The following PTPN12 variants were observed in gnomAD, a reference collection of about 807,000 sequenced individuals.
PTPN12 encodes the protein tyrosine-protein phosphatase non-receptor type 12.
Under a neutral mutation model 97.6 loss-of-function variants are expected in PTPN12, and 29 were observed. The observed-to-expected ratio is 0.30, with a 90% CI of 0.22 to 0.41. The LOEUF (loss-of-function observed/expected upper bound fraction) is 0.41. Among genes scored for constraint, PTPN12 ranks in the 10% least tolerant of loss-of-function variants. The pLI is 1.00. For missense variants in PTPN12, 819 were observed against 926.0 expected (o/e 0.88, Z 1.50); for synonymous variants, 327 against 300.4 (o/e 1.09, Z -0.91).
At chr7:77,541,905 G>A (rs186880362) in intron 1 of PTPN12, among the ~76,000 whole-genome samples, 65 of 152,240 alleles carry the variant, frequency 4.3e-4, no homozygotes, top group Non-Finnish European at 5.7e-4. Flanking sequence ...CTAATTTGTG[G>A]CTGATCCAGA....
intron 7 of PTPN12, among the ~76,000 whole-genome samples, chr7:77,600,415 C>A (rs1283047908): frequency 2.0e-5 from 3 of 152,114 alleles, no homozygotes; most frequent in South Asian, 2.1e-4. Context: ...ATCTGTATAT[C>A]TCAGTTATAA....
chr7:77,602,713 G>T (rs546541475), intron 8 of PTPN12, among the ~76,000 whole-genome samples: 1 of 151,842 alleles, frequency 6.6e-6, no homozygotes, highest in Non-Finnish European at 1.5e-5. Context: ...ATAGGTATGG[G>T]TTTCTACATA....
Position 77,537,450 on chromosome 7 carries a change from G to T in PTPN12, c.-97G>T. On this transcript the variant is annotated 5_prime_UTR_variant, in exon 1 of 18. Transcript: ENST00000248594. ...CTTGGCGGGGTCGGGAGGGAGGGAC[G>T]TGCTGGGGGAACGAGCTGGGGAAGA... 2 of 1,432,250 alleles carry T rather than the reference G, an allele frequency of 1.4e-6. No individual in the cohort carries two copies. Among genetic ancestry groups the T allele is most frequent in the African/African-American group, 3.1e-5 (2 of 65,178 alleles). The allele number at this position is 1,432,250 out of a possible 1,614,324, so 88.7% of individuals were successfully genotyped here.
At chr7:77,610,621 CAGTGTCTG>C in intron 9 of PTPN12, 136 bp from the exon 10 acceptor site, 1 of 842,084 alleles carries the variant, frequency 1.2e-6, no homozygotes, top group Non-Finnish European at 1.8e-6. Context: ...GTGCCAAGCA[CAGTGTCTG>C]AGATGCATTA....
chr7:77,592,401 A>G (rs1787898111), intron 6 of PTPN12, 145 bp downstream of exon 6: 3 of 587,626 alleles, frequency 5.1e-6, no homozygotes, highest in Non-Finnish European at 8.3e-6. Flanking sequence ...AATTTTGTTT[A>G]TATACTGCTT....
intron 1 of PTPN12, among the ~76,000 whole-genome samples, chr7:77,546,899 G>A (rs879622814): frequency 6.6e-6 from 1 of 152,108 alleles, no homozygotes; most frequent in Admixed American, 6.6e-5. Flanking sequence ...TCACTATCAG[G>A]AGAATAGCAT....
At chr7:77,564,049 T>C (rs933790104) in intron 1 of PTPN12, 2 of 267,620 alleles carry the variant, frequency 7.5e-6, no homozygotes, top group African/African-American at 4.6e-5. Context: ...GGCTAATTTT[T>C]GTATTTTTTG....
At chr7:77,544,866 G>T (rs1474452012) in intron 1 of PTPN12, among the ~76,000 whole-genome samples, 1 of 152,108 alleles carries the variant, frequency 6.6e-6, no homozygotes, top group Non-Finnish European at 1.5e-5. Flanking sequence ...TATTCTTCAG[G>T]TGAATTCTTC....
At chr7:77,539,463 G>T (rs763315941) in intron 1 of PTPN12, among the ~76,000 whole-genome samples, 5 of 152,106 alleles carry the variant, frequency 3.3e-5, no homozygotes, top group Non-Finnish European at 5.9e-5. Flanking sequence ...TTTTACTATT[G>T]AGAGTTTTTA....
intron 12 of PTPN12, 104 bp from the exon 13 acceptor site, chr7:77,626,601 C>T: frequency 7.9e-7 from 1 of 1,269,656 alleles, no homozygotes; most frequent in Non-Finnish European, 1.1e-6. Flanking sequence ...TTATTCGCAA[C>T]CAGATTGTAA....
intron 12 of PTPN12, among the ~76,000 whole-genome samples, chr7:77,620,832 C>T (rs1190939826): frequency 1.3e-5 from 2 of 152,188 alleles, no homozygotes; most frequent in African/African-American, 4.8e-5. Flanking sequence ...CCTGCAGTTC[C>T]AGCTACTTGG....
intron 2 of PTPN12, among the ~76,000 whole-genome samples, chr7:77,573,102 AAAC>A (rs575286791): frequency 0.34 from 30,211 of 89,640 alleles, 10,415 homozygotes; most frequent in East Asian, 0.57. Flanking sequence ...AAAAACAAAA[AAAC>A]AAAAAAAACC....
chr7:77,581,630 G>T (rs1373695068), intron 3 of PTPN12, 127 bp downstream of exon 3: 3 of 471,266 alleles, frequency 6.4e-6, no homozygotes, highest in Non-Finnish European at 1.1e-5. Context: ...TAAAGCCACT[G>T]CCCTGGCACA....
intron 12 of PTPN12, among the ~76,000 whole-genome samples, chr7:77,621,707 T>C (rs1397784105): frequency 1.1e-4 from 17 of 152,152 alleles, no homozygotes; most frequent in Admixed American, 1.0e-3. Context: ...CTATTTTCTT[T>C]ATCATTATTA....
At chr7:77,598,275 A>G (rs1398798538) in intron 7 of PTPN12, among the ~76,000 whole-genome samples, 1 of 152,178 alleles carries the variant, frequency 6.6e-6, no homozygotes, top group African/African-American at 2.4e-5. Context: ...CGTGGGCTGA[A>G]AAACCACCTA....
chr7:77,626,794 C>T lies in PTPN12; in HGVS notation c.1115C>T (p.Ser372Leu), dbSNP rs1198099236. The change falls in exon 13 of 18, where the codon TCA (serine) becomes TTA (leucine). Residue 372 changes from serine (S) to leucine (L), a missense_variant. This residue lies in a region of PTPN12 where 607 missense variants were observed against 577.3 expected (regional missense o/e 1.05). Transcript: ENST00000248594. ...VPPILTPSPPSAFPTVTTVWQ... is the reference protein window; with the variant it reads ...VPPILTPSPPLAFPTVTTVWQ... ...CCCATCTTGACACCTTCTCCCCCTT[C>T]AGCTTTTCCAACAGTCACTACTGTG... 5 of 1,614,038 alleles carry T rather than the reference C, an allele frequency of 3.1e-6. No homozygotes were observed. The highest frequency in any genetic ancestry group is 4.2e-6 in the Non-Finnish European group (5 of 1,179,908).
intron 8 of PTPN12, 65 bp from the exon 9 acceptor site, chr7:77,607,170 T>G: frequency 8.0e-7 from 1 of 1,256,412 alleles, no homozygotes; most frequent in South Asian, 1.3e-5. Flanking sequence ...AACATGTCTA[T>G]CCACATTTAT....
In PTPN12 at chr7:77,557,864, G is replaced by A. The variant is rs996057111; in HGVS notation, c.100-13214G>A. On this transcript the variant is annotated intron_variant, in intron 1 of 17. Transcript: ENST00000248594. ...TGAAGTTAATCATCATTAACTGTTG[G>A]GGGAGTAGCTACCAAATTTGATAAA... Among the ~76,000 whole-genome samples the A allele has an allele frequency of 2.0e-5, 3 of 152,158 alleles. No homozygotes were observed. The East Asian group carries it at 5.8e-4, about 29-fold the overall frequency.
At chr7:77,575,569 G>A (rs1213523735) in intron 2 of PTPN12, among the ~76,000 whole-genome samples, 1 of 152,154 alleles carries the variant, frequency 6.6e-6, no homozygotes, top group Non-Finnish European at 1.5e-5. Flanking sequence ...CATGTGCAGT[G>A]CTTGCAGAAA....
Sources: allele counts gnomAD v4.1 joint callset (sites outside exome capture counted in the v4.1 genomes callset), GRCh38; gene constraint gnomAD v4.1.1; regional missense constraint gnomAD v4.1.1; transcripts MANE v1.5; gene names NCBI Gene and HGNC (gene_info 2026-07-23, HGNC 2026-07-21).